The following TSPAN18 variants were observed in gnomAD, a reference collection of about 807,000 sequenced individuals.
TSPAN18 encodes the protein tetraspanin-18.
Under a neutral mutation model 27.3 loss-of-function variants are expected in TSPAN18, and 14 were observed. The observed-to-expected ratio is 0.51, with a 90% confidence interval of 0.34 to 0.80. TSPAN18 has a LOEUF of 0.80. Ranked by LOEUF, TSPAN18 falls within the 30% of genes least tolerant of loss-of-function variation. The pLI is 0.01. For synonymous variants in TSPAN18, 143 were observed against 136.5 expected (o/e 1.05, Z -0.33); for missense variants, 268 against 323.9 (o/e 0.83, Z 1.32).
Position 44,727,202 on chromosome 11 carries a change from G to C in TSPAN18, c.-325G>C, listed in dbSNP as rs1481223780. Reference sequence around the variant, plus strand: ...CGGGAAGGCAGCCGGCGCCGGGCAAGTTGCGAGCGCGCCCCTCCGACCAGG... The same window carrying C: ...CGGGAAGGCAGCCGGCGCCGGGCAACTTGCGAGCGCGCCCCTCCGACCAGG... On this transcript the variant is annotated 5_prime_UTR_variant, in exon 1 of 10. Transcript: ENST00000520358. 1 of 151,388 alleles carries C rather than the reference G, an allele frequency of 6.6e-6. No homozygotes were observed. The highest frequency in any genetic ancestry group is 1.5e-5 in the Non-Finnish European group (1 of 67,602). The allele number at this position is 151,388 out of a possible 1,614,324, so 9.4% of individuals were successfully genotyped here.
At chr11:44,903,390 A>G (rs1253504913) in intron 3 of TSPAN18, 3 of 436,182 alleles carry the variant, frequency 6.9e-6, no homozygotes, top group Non-Finnish European at 1.4e-5. Context: ...TGGTGATAGG[A>G]AAGTCAGGGC....
intron 1 of TSPAN18, among the ~76,000 whole-genome samples, chr11:44,752,870 T>A (rs563330935): frequency 6.6e-6 from 1 of 152,276 alleles, no homozygotes; most frequent in East Asian, 1.9e-4. Context: ...GTTTATCTGT[T>A]TTACTAGCCA....
At chr11:44,832,407 CCT>C (rs1337522305) in intron 2 of TSPAN18, among the ~76,000 whole-genome samples, 1 of 140,482 alleles carries the variant, frequency 7.1e-6, no homozygotes, top group East Asian at 1.9e-4. Context: ...CTCAACTCCC[CCT>C]CTTTTTCCTT....
chr11:44,870,788 C>T (rs1427824687), intron 3 of TSPAN18, among the ~76,000 whole-genome samples: 1 of 152,152 alleles, frequency 6.6e-6, no homozygotes, highest in Non-Finnish European at 1.5e-5. Flanking sequence ...TTAACACCTG[C>T]ACCACATTTC....
chr11:44,739,963 G>A (rs2134819268), intron 1 of TSPAN18, among the ~76,000 whole-genome samples: 1 of 152,266 alleles, frequency 6.6e-6, no homozygotes, highest in South Asian at 2.1e-4. Context: ...CCACTGCATG[G>A]CCAGCCGTGA....
intron 8 of TSPAN18, among the ~76,000 whole-genome samples, chr11:44,922,400 G>A (rs2135374252): frequency 6.6e-6 from 1 of 152,342 alleles, no homozygotes; most frequent in African/African-American, 2.4e-5. Context: ...TTACAGGCAT[G>A]AACCACCATG....
At chr11:44,918,977 G>A (rs987678597) in intron 6 of TSPAN18, among the ~76,000 whole-genome samples, 8 of 95,284 alleles carry the variant, frequency 8.4e-5, no homozygotes, top group Admixed American at 2.9e-4. Flanking sequence ...GGTCCTCAGC[G>A]TGCCCTGACC....
At position 44,926,764 on chromosome 11, in the gene TSPAN18, A is replaced by G. The variant is rs747293250; in HGVS notation, c.699+7A>G. The G allele has an allele frequency of 1.2e-6, 2 of 1,614,020 alleles. No homozygotes were observed. Among genetic ancestry groups the G allele is most frequent in the South Asian group, 2.2e-5 (2 of 91,090 alleles). On this transcript the variant is annotated splice_region_variant and intron_variant, in intron 9 of 9. Transcript: ENST00000520358. ...CGGGGTACTGGCCATCGAGGTAAGTAAAGGCCCCCACTTCTGCCGCTCCCC... is the reference window on the plus strand; with the variant it reads ...CGGGGTACTGGCCATCGAGGTAAGTGAAGGCCCCCACTTCTGCCGCTCCCC...
chr11:44,788,109 C>T (rs576949531), intron 2 of TSPAN18, among the ~76,000 whole-genome samples: 93 of 152,290 alleles, frequency 6.1e-4, no homozygotes, highest in Admixed American at 3.2e-3. Flanking sequence ...ATGGTTCAGG[C>T]GGGGGCCCAG....
chr11:44,851,358 TA>T (rs1383071560), intron 2 of TSPAN18, among the ~76,000 whole-genome samples: 1 of 152,208 alleles, frequency 6.6e-6, no homozygotes, highest in African/African-American at 2.4e-5. Flanking sequence ...GGTTGCCCTC[TA>T]AGGCCTGTGT....
At chr11:44,864,525 A>G (rs1320387093) in intron 3 of TSPAN18, among the ~76,000 whole-genome samples, 1 of 152,070 alleles carries the variant, frequency 6.6e-6, no homozygotes, top group Non-Finnish European at 1.5e-5. Flanking sequence ...GGCCTTGGGG[A>G]AAATCCCACC....
intron 3 of TSPAN18, chr11:44,903,966 G>A (rs1859362273): frequency 2.3e-6 from 1 of 433,920 alleles, no homozygotes; most frequent in African/African-American, 2.0e-5. Flanking sequence ...TCAGGACGGA[G>A]CTGGCACATA....
intron 2 of TSPAN18, among the ~76,000 whole-genome samples, chr11:44,824,092 G>T (rs1394748781): frequency 1.3e-5 from 2 of 152,118 alleles, no homozygotes; most frequent in Non-Finnish European, 2.9e-5. Flanking sequence ...TCAACATAAA[G>T]CCTGCCTCGC....
Position 44,929,253 on chromosome 11 carries a change from C to G in TSPAN18, c.*75C>G. The stretch of plus-strand genomic sequence containing the variant: ...ACCCAGTGTCCTCCCGTGCCCCTCC[C>G]CGCTGTCCTCTTGGCCCCAGGGGAG... On this transcript the variant is annotated 3_prime_UTR_variant, in exon 10 of 10. Transcript: ENST00000520358. 3 of 1,584,024 alleles carry G rather than the reference C, an allele frequency of 1.9e-6. No individual in the cohort carries two copies. The highest frequency in any genetic ancestry group is 2.6e-6 in the Non-Finnish European group (3 of 1,156,862).
intron 2 of TSPAN18, among the ~76,000 whole-genome samples, chr11:44,851,687 C>T (rs1164564763): frequency 2.0e-5 from 3 of 151,580 alleles, no homozygotes; most frequent in African/African-American, 7.3e-5. Flanking sequence ...AAGCACAGCC[C>T]GCCTGCTGCT....
chr11:44,727,890 G>A (rs1042304287), intron 1 of TSPAN18, among the ~76,000 whole-genome samples: 3 of 152,216 alleles, frequency 2.0e-5, no homozygotes, highest in Non-Finnish European at 4.4e-5. Context: ...AGTGCTGGGT[G>A]GGTGGGAGGC....
chr11:44,744,440 A>G (rs1191561960), intron 1 of TSPAN18, among the ~76,000 whole-genome samples: 1 of 152,170 alleles, frequency 6.6e-6, no homozygotes. Flanking sequence ...GTGGTTCCTA[A>G]TTGGTTGCAA....
intron 5 of TSPAN18, among the ~76,000 whole-genome samples, chr11:44,910,899 C>T (rs954722909): frequency 6.6e-6 from 1 of 152,196 alleles, no homozygotes; most frequent in Non-Finnish European, 1.5e-5. Flanking sequence ...CCATCTAGTT[C>T]CCCAACCTCC....
chr11:44,804,050 T>G (rs1301598908), intron 2 of TSPAN18, among the ~76,000 whole-genome samples: 1 of 152,218 alleles, frequency 6.6e-6, no homozygotes, highest in Non-Finnish European at 1.5e-5. Context: ...CTGTTCATCA[T>G]TACTTTGCTG....
Sources: gnomAD v4.1 joint callset for allele counts (sites outside exome capture counted in the v4.1 genomes callset) on GRCh38, gnomAD v4.1.1 for gene constraint, MANE v1.5 for transcripts, NCBI Gene and HGNC (gene_info 2026-07-23, HGNC 2026-07-21) for gene names.